Variants in TRIM2 observed in about 807,000 individuals in gnomAD.
TRIM2 encodes the protein tripartite motif-containing protein 2.
In TRIM2, 20 loss-of-function variants were observed where a neutral mutation model predicts 75.2. The ratio of observed to expected loss-of-function variants is 0.27; its 90% CI spans 0.19 to 0.39. The LOEUF is 0.39. Ranked by LOEUF, TRIM2 falls within the 10% of genes least tolerant of loss-of-function variation. The pLI is 1.00. For missense variants in TRIM2, 660 were observed against 990.8 expected (o/e 0.67, Z 4.48); for synonymous variants, 373 against 388.3 (o/e 0.96, Z 0.46).
At chr4:153,189,147 G>A (rs1034243017) in intron 1 of TRIM2, among the ~76,000 whole-genome samples, 2 of 152,186 alleles carry the variant, frequency 1.3e-5, no homozygotes, top group African/African-American at 4.8e-5. Context: ...CACCGCACCG[G>A]CCTGGAGAGG....
chr4:153,219,284 C>T (rs1195825288), intron 1 of TRIM2, among the ~76,000 whole-genome samples: 7 of 152,028 alleles, frequency 4.6e-5, no homozygotes, highest in Admixed American at 2.6e-4. Context: ...TCATAAAGCC[C>T]GATCCGCCAG....
intron 1 of TRIM2, among the ~76,000 whole-genome samples, chr4:153,216,130 GCT>G (rs1360487302): frequency 3.3e-5 from 5 of 152,136 alleles, no homozygotes; most frequent in Non-Finnish European, 7.3e-5. Flanking sequence ...TTTGTCATGT[GCT>G]CTTTCTTAAT....
At chr4:153,298,010 A>G (rs1409001545) in intron 6 of TRIM2, among the ~76,000 whole-genome samples, 1 of 152,138 alleles carries the variant, frequency 6.6e-6, no homozygotes, top group Non-Finnish European at 1.5e-5. Context: ...GGAAAGAGAC[A>G]TGTCTTTCAG....
intron 1 of TRIM2, among the ~76,000 whole-genome samples, chr4:153,155,163 A>C (rs1026753408): frequency 6.6e-6 from 1 of 152,196 alleles, no homozygotes; most frequent in Non-Finnish European, 1.5e-5. Context: ...GAAAGAAAAA[A>C]TGTGTCCCAA....
intron 1 of TRIM2, among the ~76,000 whole-genome samples, chr4:153,214,294 C>T (rs1360502447): frequency 2.6e-5 from 4 of 152,104 alleles, no homozygotes; most frequent in Non-Finnish European, 4.4e-5. Flanking sequence ...CCTCTAAGTC[C>T]CTGGGCAGTA....
In TRIM2 at chr4:153,234,314, G is replaced by C. The variant is rs150421077; in HGVS notation, c.30+29754G>C. On this transcript the variant is annotated intron_variant, in intron 1 of 11. Transcript: ENST00000338700. ...CAGTCACACTGTGATTCAGGGGTGGGAGGAAAGAAGGTGTTGGATAGCGAT... is the reference window on the plus strand; with the variant it reads ...CAGTCACACTGTGATTCAGGGGTGGCAGGAAAGAAGGTGTTGGATAGCGAT... Among the ~76,000 whole-genome samples the C allele has an allele frequency of 4.7e-3, 720 of 152,278 alleles. 6 individuals carry two copies. The highest frequency in any genetic ancestry group is 0.027 in the East Asian group (138 of 5,180).
At chr4:153,207,867 A>G (rs1381854122) in intron 1 of TRIM2, among the ~76,000 whole-genome samples, 1 of 152,256 alleles carries the variant, frequency 6.6e-6, no homozygotes, top group South Asian at 2.1e-4. Context: ...TAGATCTGAC[A>G]GAAATCTCCC....
At chr4:153,320,508 G>A (rs1025917949) in intron 8 of TRIM2, among the ~76,000 whole-genome samples, 9 of 152,246 alleles carry the variant, frequency 5.9e-5, no homozygotes, top group East Asian at 3.9e-4. Context: ...AGATATAGAC[G>A]CTGATTTCTC....
At chr4:153,278,882 C>T (rs1758616303) in intron 3 of TRIM2, among the ~76,000 whole-genome samples, 1 of 152,022 alleles carries the variant, frequency 6.6e-6, no homozygotes, top group Admixed American at 6.6e-5. Context: ...CAGGCAACAG[C>T]TTATAGCTCA....
chr4:153,243,473 C>T (rs1378160467), intron 1 of TRIM2, among the ~76,000 whole-genome samples: 1 of 152,214 alleles, frequency 6.6e-6, no homozygotes, highest in Admixed American at 6.5e-5. Context: ...TACATCCTTG[C>T]TAGATCCCAG....
chr4:153,245,778 G>A (rs1222623986), intron 1 of TRIM2, among the ~76,000 whole-genome samples: 1 of 152,206 alleles, frequency 6.6e-6, no homozygotes, highest in Admixed American at 6.5e-5. Context: ...CCGGGTTCAA[G>A]CGATCCTCCC....
chr4:153,222,004 AAAG>A (rs1277506543), intron 1 of TRIM2, among the ~76,000 whole-genome samples: 2 of 54,934 alleles, frequency 3.6e-5, no homozygotes, highest in Non-Finnish European at 4.0e-5. Context: ...GGAAGGAAGG[AAAG>A]AAGGAAGGAA....
At chr4:153,266,266 C>G (rs1192482759) in intron 1 of TRIM2, among the ~76,000 whole-genome samples, 1 of 151,676 alleles carries the variant, frequency 6.6e-6, no homozygotes, top group Non-Finnish European at 1.5e-5. Context: ...ACCTCCCGAG[C>G]TCAAGCACTC....
At chr4:153,247,783 G>T (rs1368465669) in intron 1 of TRIM2, among the ~76,000 whole-genome samples, 2 of 151,518 alleles carry the variant, frequency 1.3e-5, no homozygotes, top group Admixed American at 1.3e-4. Flanking sequence ...TTATGAAAAG[G>T]TGATGAAGTG....
chr4:153,270,555 C>T (rs1756426920), intron 2 of TRIM2, 36 bp downstream of exon 2: 3 of 1,556,352 alleles, frequency 1.9e-6, no homozygotes, highest in Non-Finnish European at 2.6e-6. Context: ...GGGAGTTTCG[C>T]AGGCTGACCT....
Position 153,295,254 on chromosome 4 carries a change from G to A in TRIM2, c.787-59G>A. ...CTCCTTCTCGCCGGTGGAGGGCACT[G>A]CCCCGGGCTAGGCCCCGCCCTGTGG... is the stretch of plus-strand genomic sequence containing the variant. On this transcript the variant is annotated intron_variant, in intron 5 of 11. Transcript: ENST00000338700. This position sits in a 1 kb window ranked among gnomAD's most constrained non-coding sequence, Gnocchi z 7.2. The A allele has an allele frequency of 2.7e-6, 4 of 1,481,014 alleles. No homozygotes were observed. The highest frequency in any genetic ancestry group is 4.9e-5 in the Admixed American group (2 of 41,192). 91.7% of individuals were successfully genotyped at this position (1,481,014 alleles called of 1,614,324 possible).
chr4:153,264,750 A>G (rs1398300973), intron 1 of TRIM2, among the ~76,000 whole-genome samples: 2 of 152,168 alleles, frequency 1.3e-5, no homozygotes, highest in Non-Finnish European at 2.9e-5. Flanking sequence ...TTCTGAGCAC[A>G]TTGTCCCATT....
intron 1 of TRIM2, among the ~76,000 whole-genome samples, chr4:153,178,895 T>C (rs1314454993): frequency 6.6e-6 from 1 of 152,198 alleles, no homozygotes; most frequent in Non-Finnish European, 1.5e-5. Flanking sequence ...GTAAAAGGAA[T>C]CTGCCAGAAG....
At chr4:153,309,464 G>C (rs1312874690) in intron 6 of TRIM2, among the ~76,000 whole-genome samples, 1 of 152,038 alleles carries the variant, frequency 6.6e-6, no homozygotes, top group Non-Finnish European at 1.5e-5. Flanking sequence ...TACAATGGGG[G>C]TTGTAATTTA....
Sources: gnomAD v4.1 joint callset for allele counts (sites outside exome capture counted in the v4.1 genomes callset) on GRCh38, gnomAD v4.1.1 for gene constraint, Gnocchi (gnomAD v3.1) non-coding constraint, MANE v1.5 for transcripts, NCBI Gene and HGNC (gene_info 2026-07-23, HGNC 2026-07-21) for gene names.